SMAD9: variants seen among roughly 807,000 people sequenced by gnomAD.
SMAD9 encodes the protein SMAD family member 9, also known as MAD homolog 9.
In SMAD9, 36 loss-of-function variants were observed where a neutral mutation model predicts 46.1. The observed-to-expected ratio is 0.78, with a 90% CI of 0.60 to 1.03. SMAD9 has a LOEUF of 1.03. Among genes scored for constraint, SMAD9 ranks in the 50% least tolerant of loss-of-function variants. The pLI is 0.00. For synonymous variants in SMAD9, 245 were observed against 237.1 expected, an observed-to-expected ratio of 1.03 and a Z score of -0.31; for missense variants, 572 against 599.8, an observed-to-expected ratio of 0.95 and a Z score of 0.48.
intron 3 of SMAD9, 149 bp downstream of exon 3, chr13:36,872,509 G>T: frequency 1.1e-6 from 1 of 927,988 alleles, no homozygotes. Context: ...AATAGGTATA[G>T]TCCTAATCAT....
chr13:36,901,616 C>G (rs576640082), intron 1 of SMAD9, among the ~76,000 whole-genome samples: 1 of 152,058 alleles, frequency 6.6e-6, no homozygotes, highest in Non-Finnish European at 1.5e-5. Context: ...TTAGTACAGA[C>G]GAGGTTTTGC....
At chr13:36,902,630 G>T (rs1477151998) in intron 1 of SMAD9, among the ~76,000 whole-genome samples, 6 of 151,448 alleles carry the variant, frequency 4.0e-5, no homozygotes, top group Admixed American at 3.3e-4. Flanking sequence ...ATTTTTTTTT[G>T]TATTTTTAGT....
chr13:36,920,434 C>T (rs2058737275), upstream of SMAD9, among the ~76,000 whole-genome samples: 2 of 151,568 alleles, frequency 1.3e-5, no homozygotes, highest in Non-Finnish European at 3.0e-5. Context: ...ACTCGCGGCG[C>T]GGGGGTGGCG....
chr13:36,857,299 C>G (rs771856877), intron 5 of SMAD9, among the ~76,000 whole-genome samples: 2 of 152,184 alleles, frequency 1.3e-5, no homozygotes, highest in Non-Finnish European at 2.9e-5. Context: ...GTGTTACAAT[C>G]CTGCAGCCTG....
At chr13:36,875,919 A>G (rs553141134) in intron 2 of SMAD9, among the ~76,000 whole-genome samples, 2 of 152,350 alleles carry the variant, frequency 1.3e-5, no homozygotes, top group Admixed American at 6.5e-5. Context: ...CCATCTGGGT[A>G]AAATCAAAGC....
At position 36,884,952 on chromosome 13, in the gene SMAD9, G is replaced by A. The variant is rs73175018; in HGVS notation, c.-186-5077C>T. Among the ~76,000 whole-genome samples the A allele has an allele frequency of 7.8e-3, 1,190 of 152,156 alleles. 5 individuals are homozygous for A. Among genetic ancestry groups the A allele is most frequent in the Non-Finnish European group, 0.012 (802 of 68,000 alleles). ...AGGGAGCACTTGTTTGTTCTGCGAG[G>A]GCCTAGTCCAGAAACAATCACCCCG... On this transcript the variant is annotated intron_variant, in intron 1 of 6. Coordinates refer to ENST00000379826, the MANE Select transcript of SMAD9 (RefSeq NM_001127217.3).
intron 1 of SMAD9, among the ~76,000 whole-genome samples, chr13:36,892,091 G>A (rs1055523705): frequency 8.5e-5 from 13 of 152,262 alleles, no homozygotes; most frequent in African/African-American, 2.6e-4. Flanking sequence ...TGGTAGTATT[G>A]TTGAAATGTA....
chr13:36,901,629 T>C (rs1340509819), intron 1 of SMAD9, among the ~76,000 whole-genome samples: 2 of 152,184 alleles, frequency 1.3e-5, no homozygotes, highest in Admixed American at 6.5e-5. Context: ...GGTTTTGCCA[T>C]GTTGGCCAGG....
chr13:36,918,491 G>A (rs1365374157), intron 1 of SMAD9, among the ~76,000 whole-genome samples: 1 of 152,198 alleles, frequency 6.6e-6, no homozygotes, highest in African/African-American at 2.4e-5. Context: ...CATCACTGAA[G>A]GTGACTATTA....
chr13:36,893,218 AC>A (rs1341040883), intron 1 of SMAD9, among the ~76,000 whole-genome samples: 1 of 152,004 alleles, frequency 6.6e-6, no homozygotes, highest in Non-Finnish European at 1.5e-5. Flanking sequence ...TTGGATCTCA[AC>A]CAGCATTTTA....
chr13:36,864,955 G>A (rs2058217542), intron 5 of SMAD9, among the ~76,000 whole-genome samples: 1 of 152,136 alleles, frequency 6.6e-6, no homozygotes. Context: ...ACTCAGCTGG[G>A]ATTTGCTACC....
At position 36,845,357 on chromosome 13, in the gene SMAD9, T is replaced by C. The variant is rs528308806; in HGVS notation, c.*3319A>G. On this transcript the variant is annotated 3_prime_UTR_variant, in exon 7 of 7. Transcript: ENST00000379826. ...CAAAACATAAGGTATATGTGTTAAG[T>C]AGTGACATCTTTATAGTTCCAAAGC... The C allele has an allele frequency of 1.3e-5, 2 of 152,338 alleles. No individual in the cohort carries two copies. Among genetic ancestry groups the C allele is most frequent in the African/African-American group, 4.8e-5 (2 of 41,588 alleles). The allele number at this position is 152,338 out of a possible 1,614,324, so 9.4% of individuals were successfully genotyped here. A position where few individuals can be genotyped will look rare whatever the true frequency, so the allele number is the denominator to read the frequency against.
intron 2 of SMAD9, 38 bp from the exon 3 acceptor site, chr13:36,872,953 A>G: frequency 6.2e-7 from 1 of 1,611,678 alleles, no homozygotes; most frequent in South Asian, 1.1e-5. Context: ...AGAATTGAAC[A>G]TTGCTCATCA....
At chr13:36,863,153 T>C (rs2058199349) in intron 5 of SMAD9, among the ~76,000 whole-genome samples, 1 of 152,224 alleles carries the variant, frequency 6.6e-6, no homozygotes, top group South Asian at 2.1e-4. Context: ...GAAGCCATGC[T>C]GCTCAGAACC....
chr13:36,853,752 G>T (rs1359487650), intron 5 of SMAD9, 77 bp from the exon 6 acceptor site: 1 of 1,494,426 alleles, frequency 6.7e-7, no homozygotes, highest in Non-Finnish European at 9.2e-7. Flanking sequence ...TGAAACCCTA[G>T]GAGATGTGAC....
chr13:36,876,414 T>C (rs2058345880), intron 2 of SMAD9, among the ~76,000 whole-genome samples: 1 of 152,196 alleles, frequency 6.6e-6, no homozygotes. Flanking sequence ...GTAAAGTGTG[T>C]CTGAGGACTG....
At chr13:36,898,502 C>T (rs1239047971) in intron 1 of SMAD9, among the ~76,000 whole-genome samples, 2 of 151,968 alleles carry the variant, frequency 1.3e-5, no homozygotes, top group African/African-American at 4.8e-5. Context: ...CAGATGTACA[C>T]ATCCTTAACA....
At chr13:36,884,894 C>T (rs1424963578) in intron 1 of SMAD9, among the ~76,000 whole-genome samples, 2 of 152,226 alleles carry the variant, frequency 1.3e-5, no homozygotes, top group East Asian at 3.8e-4. Flanking sequence ...CCATCACCTA[C>T]CAGGGTGCAC....
At chr13:36,859,944 G>A (rs1345866713) in intron 5 of SMAD9, among the ~76,000 whole-genome samples, 1 of 150,304 alleles carries the variant, frequency 6.7e-6, no homozygotes, top group African/African-American at 2.5e-5. Flanking sequence ...TGGGCAACAA[G>A]AGCGAAACTC....
Sources: allele counts gnomAD v4.1 joint callset (sites outside exome capture counted in the v4.1 genomes callset), GRCh38; gene constraint gnomAD v4.1.1; transcripts MANE v1.5; gene names NCBI Gene and HGNC (gene_info 2026-07-23, HGNC 2026-07-21).